PLXNA4: variants seen among roughly 807,000 people sequenced by gnomAD.
The protein encoded by PLXNA4 is plexin A4, also known as plexin-A4.
Under a neutral mutation model 191.8 loss-of-function variants are expected in PLXNA4, and 44 were observed. The ratio of observed to expected loss-of-function variants is 0.23; its 90% CI spans 0.18 to 0.29. PLXNA4 has a LOEUF of 0.29. PLXNA4 is among the 10% of genes least tolerant of loss of function. PLXNA4 has a pLI of 1.00. For synonymous variants in PLXNA4, 1,082 were observed against 1,009.5 expected, an observed-to-expected ratio of 1.07 and a Z score of -1.36; for missense variants, 1,800 against 2,488.8, an observed-to-expected ratio of 0.72 and a Z score of 5.89.
At chr7:132,548,781 G>A (rs1800422797) in intron 1 of PLXNA4, among the ~76,000 whole-genome samples, 1 of 152,200 alleles carries the variant, frequency 6.6e-6, no homozygotes, top group Non-Finnish European at 1.5e-5. Flanking sequence ...CACAGGATGA[G>A]ATATGGGTTG....
At chr7:132,174,745 G>T (rs1411304364) in intron 21 of PLXNA4, 33 bp downstream of exon 21, 2 of 1,606,480 alleles carry the variant, frequency 1.2e-6, no homozygotes, top group South Asian at 2.2e-5. Context: ...ACGCTCCCCT[G>T]CTCTAATGCC....
intron 1 of PLXNA4, among the ~76,000 whole-genome samples, chr7:132,563,070 C>A (rs1801372250): frequency 9.9e-6 from 1 of 101,284 alleles, no homozygotes; most frequent in Non-Finnish European, 2.1e-5. Context: ...TCTCCTCCTC[C>A]TCCTCCTTCT....
At chr7:132,313,013 A>C (rs1304378549) in intron 3 of PLXNA4, among the ~76,000 whole-genome samples, 1 of 152,144 alleles carries the variant, frequency 6.6e-6, no homozygotes, top group East Asian at 1.9e-4. Context: ...TTTGAGGGGC[A>C]CTGCATTCTT....
intron 3 of PLXNA4, among the ~76,000 whole-genome samples, chr7:132,342,187 G>A (rs547741039): frequency 2.0e-5 from 3 of 149,750 alleles, no homozygotes; most frequent in African/African-American, 7.4e-5. Flanking sequence ...TGCTGTTAGG[G>A]AATTTATGAT....
Position 132,203,317 on chromosome 7 carries a change from C to G in PLXNA4, c.2395+6G>C. 6.2e-7 allele frequency: 1 copy of G among 1,600,242 alleles called. No individual in the cohort carries two copies. The highest frequency in any genetic ancestry group is 1.1e-5 in the South Asian group (1 of 90,596). Reference sequence around the variant, plus strand: ...CCTCCCCTGCTAGGCCCCAGCCCTTCCACACCTTTATTCTGAGCTGGGTTG... The same window carrying G: ...CCTCCCCTGCTAGGCCCCAGCCCTTGCACACCTTTATTCTGAGCTGGGTTG... On this transcript the variant is annotated splice_donor_region_variant and intron_variant, in intron 11 of 31. Coordinates refer to ENST00000321063, the MANE Select transcript of PLXNA4 (RefSeq NM_020911.2).
intron 9 of PLXNA4, among the ~76,000 whole-genome samples, chr7:132,219,295 G>A (rs534920542): frequency 2.6e-4 from 40 of 152,194 alleles, no homozygotes; most frequent in Admixed American, 7.9e-4. Flanking sequence ...AAAGGTGGTC[G>A]ACCTAAGCCT....
chr7:132,501,807 A>T (rs1033686609), intron 2 of PLXNA4, among the ~76,000 whole-genome samples: 1 of 152,320 alleles, frequency 6.6e-6, no homozygotes, highest in East Asian at 1.9e-4. Flanking sequence ...GTACAGGGTC[A>T]TGGGCCATGA....
rs978298037 is a variant in PLXNA4 at position 132,296,533 on chromosome 7, G to A, written c.1503+1558C>T. 1.9e-4 allele frequency among the ~76,000 whole-genome samples: 28 copies of A among 150,986 alleles called. No homozygotes were observed. The South Asian group carries it at 4.6e-3, about 25-fold the overall frequency. On this transcript the variant is annotated intron_variant, in intron 4 of 31. Transcript: ENST00000321063. Reference sequence around the variant, plus strand: ...GGTAATCCTCCTGCCTTGGCCTCCCGAGCAGCTGGGATTATAGGTGCAAGA... The same window carrying A: ...GGTAATCCTCCTGCCTTGGCCTCCCAAGCAGCTGGGATTATAGGTGCAAGA...
intron 29 of PLXNA4, among the ~76,000 whole-genome samples, chr7:132,142,626 G>A (rs1459796959): frequency 6.6e-6 from 1 of 152,206 alleles, no homozygotes. Context: ...ATTGAGGTCT[G>A]AAAATGTTTG....
At position 132,146,728 on chromosome 7, in the gene PLXNA4, A is replaced by G. The variant is rs1779280299; in HGVS notation, c.4865-28T>C. 1.9e-6 allele frequency: 3 copies of G among 1,611,940 alleles called. No homozygotes were observed. In the South Asian group the frequency reaches 3.3e-5, roughly 18 times the overall value. On this transcript the variant is annotated intron_variant, in intron 27 of 31. Coordinates refer to ENST00000321063, the MANE Select transcript of PLXNA4 (RefSeq NM_020911.2). ...GCCAAGGCAAGGATCACCCCCCGAC[A>G]TATGTGAGGCCACACAGCCTTAGCC...
At chr7:132,224,321 T>A (rs1348005580) in intron 8 of PLXNA4, among the ~76,000 whole-genome samples, 1 of 152,056 alleles carries the variant, frequency 6.6e-6, no homozygotes, top group Non-Finnish European at 1.5e-5. Flanking sequence ...AAGCCATTCC[T>A]CCCTCCAGAG....
At chr7:132,561,364 T>TCC in intron 1 of PLXNA4, among the ~76,000 whole-genome samples, 2 of 141,468 alleles carry the variant, frequency 1.4e-5, no homozygotes, top group African/African-American at 2.7e-5. Flanking sequence ...CTCTCCCTCC[T>TCC]TCTTGTCCTC....
chr7:132,568,463 T>C (rs1801834101), intron 1 of PLXNA4, among the ~76,000 whole-genome samples: 1 of 152,240 alleles, frequency 6.6e-6, no homozygotes. Flanking sequence ...CTGCCCTGTC[T>C]TGCCATCTGA....
intron 3 of PLXNA4, among the ~76,000 whole-genome samples, chr7:132,298,713 C>T (rs1350078306): frequency 6.6e-6 from 1 of 152,242 alleles, no homozygotes; most frequent in Non-Finnish European, 1.5e-5. Context: ...GGGGGCCAAC[C>T]CCAAAGGTTT....
At chr7:132,208,409 G>T (rs757859387) in intron 10 of PLXNA4, among the ~76,000 whole-genome samples, 1 of 152,230 alleles carries the variant, frequency 6.6e-6, no homozygotes, top group Non-Finnish European at 1.5e-5. Context: ...CAGCTGAGCT[G>T]CTTTGGAAGC....
intron 1 of PLXNA4, among the ~76,000 whole-genome samples, chr7:132,512,874 T>C (rs1798783628): frequency 6.6e-6 from 1 of 152,196 alleles, no homozygotes; most frequent in South Asian, 2.1e-4. Context: ...CAAGTCACCA[T>C]TTAGCTAGTT....
At chr7:132,565,452 C>T (rs1327818565) in intron 1 of PLXNA4, among the ~76,000 whole-genome samples, 2 of 152,194 alleles carry the variant, frequency 1.3e-5, no homozygotes, top group Non-Finnish European at 2.9e-5. Context: ...ATTCAGAGGG[C>T]ACCATAACTT....
chr7:132,199,060 TC>T (rs1183685989), intron 12 of PLXNA4, among the ~76,000 whole-genome samples: 1 of 152,202 alleles, frequency 6.6e-6, no homozygotes, highest in African/African-American at 2.4e-5. Flanking sequence ...AAGATCCTTC[TC>T]AAATGACACT....
chr7:132,555,045 G>GAAAACAAAAAACAAA (rs1554467855), intron 1 of PLXNA4, among the ~76,000 whole-genome samples: 5 of 111,940 alleles, frequency 4.5e-5, no homozygotes, highest in East Asian at 2.5e-4. Context: ...AAACCTGAAG[G>GAAAACAAAAAACAAA]AAAAAAAAAA....
Sources: gnomAD v4.1 joint callset for allele counts (sites outside exome capture counted in the v4.1 genomes callset) on GRCh38, gnomAD v4.1.1 for gene constraint, MANE v1.5 for transcripts, NCBI Gene and HGNC (gene_info 2026-07-23, HGNC 2026-07-21) for gene names.